The following SPATA13 variants were observed in gnomAD, a reference collection of about 807,000 sequenced individuals.
SPATA13 encodes the protein spermatogenesis associated 13, also known as spermatogenesis-associated protein 13.
SPATA13 carries 50 observed loss-of-function variants against 104.0 expected under a neutral mutation model. The observed-to-expected ratio is 0.48, with a 90% CI of 0.38 to 0.61. The LOEUF (loss-of-function observed/expected upper bound fraction) is 0.61, where lower values mean the gene tolerates loss of function less well. Ranked by LOEUF, SPATA13 falls within the 20% of genes least tolerant of loss-of-function variation. SPATA13 has a pLI of 0.00. For synonymous variants in SPATA13, 606 were observed against 667.5 expected (o/e 0.91, Z 1.42); for missense variants, 1,524 against 1,690.6 (o/e 0.90, Z 1.73).
chr13:23,998,718 G>C (rs1875810335), intron 2 of SPATA13, among the ~76,000 whole-genome samples: 1 of 152,056 alleles, frequency 6.6e-6, no homozygotes, highest in Non-Finnish European at 1.5e-5. Flanking sequence ...TTTACATTTA[G>C]GTCTATGATT....
At chr13:24,095,327 C>A (rs1172872422) in intron 3 of SPATA13, among the ~76,000 whole-genome samples, 1 of 152,174 alleles carries the variant, frequency 6.6e-6, no homozygotes, top group Non-Finnish European at 1.5e-5. Flanking sequence ...AGGACAAGTA[C>A]GGTATGATTC....
intron 3 of SPATA13, among the ~76,000 whole-genome samples, chr13:24,035,207 T>G (rs939599685): frequency 6.6e-6 from 1 of 152,250 alleles, no homozygotes; most frequent in Non-Finnish European, 1.5e-5. Context: ...CAGGCTGGAA[T>G]GCAGAGGTGC....
intron 1 of SPATA13, among the ~76,000 whole-genome samples, chr13:23,980,955 G>C: frequency 6.6e-6 from 1 of 152,162 alleles, no homozygotes; most frequent in Non-Finnish European, 1.5e-5. Context: ...ACTGATGGGA[G>C]TTCCTTAATT....
chr13:24,206,748 C>T (rs937036614), intron 1 of SPATA13, among the ~76,000 whole-genome samples: 2 of 152,054 alleles, frequency 1.3e-5, no homozygotes, highest in Non-Finnish European at 2.9e-5. Context: ...AAAAATTAGC[C>T]AGACGTGTTG....
At chr13:24,108,447 G>A (rs959187133) in intron 3 of SPATA13, among the ~76,000 whole-genome samples, 1 of 152,144 alleles carries the variant, frequency 6.6e-6, no homozygotes, top group African/African-American at 2.4e-5. Context: ...CTGTGGGTGC[G>A]TGGGCTTTGA....
chr13:24,299,823 TTG>T (rs1395125332), intron 11 of SPATA13, among the ~76,000 whole-genome samples: 7 of 152,200 alleles, frequency 4.6e-5, no homozygotes, highest in Non-Finnish European at 4.4e-5. Flanking sequence ...TTGCCTCATC[TTG>T]TCTTTCCAGT....
chr13:24,111,376 G>T (rs1242301490), intron 3 of SPATA13, among the ~76,000 whole-genome samples: 2 of 151,996 alleles, frequency 1.3e-5, no homozygotes, highest in African/African-American at 4.8e-5. Context: ...TATCCTTCCA[G>T]GGGGACTTTG....
chr13:24,053,101 A>G (rs9507229), intron 3 of SPATA13, among the ~76,000 whole-genome samples: 8,064 of 151,856 alleles, frequency 0.053, 315 homozygotes, highest in East Asian at 0.11. Context: ...CGTACCTAGA[A>G]CACAAACTTG....
At chr13:24,199,666 G>C (rs543020599) in intron 1 of SPATA13, among the ~76,000 whole-genome samples, 1 of 152,132 alleles carries the variant, frequency 6.6e-6, no homozygotes, top group Admixed American at 6.5e-5. Flanking sequence ...AAAAACTTGC[G>C]TCTTGTGATC....
rs149547403 is a variant in SPATA13, at chr13:24,290,509, G to A, written c.2848-143G>A. On this transcript the variant is annotated intron_variant, in intron 8 of 12. Transcript: ENST00000382108. ...ATGGCAGGGCAGCTTGGGTGCCAGC[G>A]GATTTCATGCCCTGTCCTTCTTGCA... The A allele has an allele frequency of 5.3e-3, 3,607 of 676,658 alleles. 17 individuals are homozygous for A. Among genetic ancestry groups the A allele is most frequent in the Non-Finnish European group, 8.0e-3 (3,086 of 385,570 alleles). The allele number at this position is 676,658 out of a possible 1,614,324, so 41.9% of individuals were successfully genotyped here. A position where few individuals can be genotyped will look rare whatever the true frequency, so the allele number is the denominator to read the frequency against.
intron 1 of SPATA13, among the ~76,000 whole-genome samples, chr13:24,170,785 A>G (rs368634421): frequency 2.6e-5 from 4 of 152,274 alleles, no homozygotes; most frequent in East Asian, 3.9e-4. Flanking sequence ...GTGTACTTTC[A>G]GATCCACTGA....
intron 2 of SPATA13, among the ~76,000 whole-genome samples, chr13:23,994,833 C>T (rs1875600715): frequency 6.6e-6 from 1 of 152,152 alleles, no homozygotes; most frequent in Non-Finnish European, 1.5e-5. Context: ...GGCTTGTAAC[C>T]AAGCCCTACA....
At position 24,294,887 on chromosome 13, in the gene SPATA13, A is replaced by T. The variant is rs7993660; in HGVS notation, c.3210+19A>T. 5.6e-6 allele frequency: 9 copies of T among 1,594,764 alleles called. No homozygotes were observed. Among genetic ancestry groups the T allele is most frequent in the Middle Eastern group, 1.7e-4 (1 of 5,860 alleles). On this transcript the variant is annotated intron_variant, in intron 10 of 12. Transcript: ENST00000382108. ...CTGGGAGGTAAGTGGAAAGCACCCC[A>T]CATGATCCCATGCCACTCGCCCTTC...
intron 3 of SPATA13, chr13:24,122,110 C>T (rs561221605): frequency 6.2e-7 from 1 of 1,612,584 alleles, no homozygotes; most frequent in Admixed American, 1.7e-5. Context: ...AAGAACTTGG[C>T]ACAACTGGAG....
At chr13:24,052,320 C>G (rs1878373279) in intron 3 of SPATA13, among the ~76,000 whole-genome samples, 1 of 152,026 alleles carries the variant, frequency 6.6e-6, no homozygotes, top group Non-Finnish European at 1.5e-5. Flanking sequence ...CAGAGGATTG[C>G]TTGAGGCCAG....
At chr13:24,197,623 A>T (rs751504465) in intron 1 of SPATA13, among the ~76,000 whole-genome samples, 2 of 152,250 alleles carry the variant, frequency 1.3e-5, no homozygotes, top group Non-Finnish European at 2.9e-5. Context: ...AGATTAACCT[A>T]TAACTTACCT....
chr13:24,150,800 G>T (rs1161412125), intron 3 of SPATA13, among the ~76,000 whole-genome samples: 1 of 152,074 alleles, frequency 6.6e-6, no homozygotes, highest in Non-Finnish European at 1.5e-5. Flanking sequence ...ATTGGACAAG[G>T]CCCACCCACA....
chr13:24,168,813 A>C (rs897649799), intron 1 of SPATA13, among the ~76,000 whole-genome samples: 1 of 152,204 alleles, frequency 6.6e-6, no homozygotes, highest in Non-Finnish European at 1.5e-5. Context: ...TTATATATTT[A>C]AATAAGGAAA....
At chr13:24,254,818 C>CT (rs5802273) in intron 4 of SPATA13, among the ~76,000 whole-genome samples, 61,451 of 148,206 alleles carry the variant, frequency 0.41, 14,983 homozygotes, top group East Asian at 0.61. Flanking sequence ...TTGCTTGCTT[C>CT]TTTTTTTTTT....
Sources: gnomAD v4.1 joint callset for allele counts (sites outside exome capture counted in the v4.1 genomes callset) on GRCh38, gnomAD v4.1.1 for gene constraint, MANE v1.5 for transcripts, NCBI Gene and HGNC (gene_info 2026-07-23, HGNC 2026-07-21) for gene names.